The following RBM47 variants were observed in gnomAD, a reference collection of about 807,000 sequenced individuals.
RBM47 encodes the protein RNA-binding protein 47.
In RBM47, 21 loss-of-function variants were observed where a neutral mutation model predicts 47.1. The ratio of observed to expected loss-of-function variants is 0.45; its 90% confidence interval spans 0.32 to 0.64. The LOEUF (loss-of-function observed/expected upper bound fraction) is 0.64. Among genes scored for constraint, RBM47 ranks in the 30% least tolerant of loss-of-function variants. The pLI, the probability that RBM47 is intolerant of heterozygous loss-of-function variation, is 0.05. For missense variants in RBM47, 708 were observed against 870.9 expected (o/e 0.81, Z 2.35); for synonymous variants, 375 against 361.7 (o/e 1.04, Z -0.42).
At chr4:40,516,941 G>A (rs916760409) in intron 2 of RBM47, among the ~76,000 whole-genome samples, 9 of 151,976 alleles carry the variant, frequency 5.9e-5, no homozygotes, top group East Asian at 1.9e-4. Context: ...TGTCCCTTGC[G>A]TGCCCTTCTT....
intron 5 of RBM47, among the ~76,000 whole-genome samples, chr4:40,434,003 GTGTGTGTGTGTGT>G (rs1279321676): frequency 3.7e-5 from 3 of 80,112 alleles, no homozygotes; most frequent in African/African-American, 1.1e-4. Flanking sequence ...TGGGGCGGGG[GTGTGTGTGTGTGT>G]GTGTGTGTGT....
chr4:40,597,131 G>A lies in RBM47; in HGVS notation c.-240+32265C>T, dbSNP rs898759051. ...AAAAATTAGCTGGCCGTGGTGGCACGCGCCTGTAGTCCCGGCTACTTGGGA... is the reference window on the plus strand; with the variant it reads ...AAAAATTAGCTGGCCGTGGTGGCACACGCCTGTAGTCCCGGCTACTTGGGA... On this transcript the variant is annotated intron_variant, in intron 1 of 6. Coordinates refer to ENST00000295971, the MANE Select transcript of RBM47 (RefSeq NM_001098634.2). Among the ~76,000 whole-genome samples, 9 of 152,158 alleles carry A rather than the reference G, an allele frequency of 5.9e-5. 1 individual carries two copies. Among genetic ancestry groups the A allele is most frequent in the East Asian group, 1.9e-4 (1 of 5,174 alleles).
chr4:40,538,201 A>T (rs2154261127), intron 2 of RBM47, among the ~76,000 whole-genome samples: 1 of 152,304 alleles, frequency 6.6e-6, no homozygotes, highest in East Asian at 1.9e-4. Flanking sequence ...AGAGGTCCAG[A>T]CAAGAGGGTA....
intron 2 of RBM47, chr4:40,502,192 T>C (rs1723465201): frequency 6.5e-6 from 1 of 154,390 alleles, no homozygotes; most frequent in African/African-American, 2.4e-5. Context: ...CTAAAGCAGG[T>C]TGGACTGCCT....
intron 1 of RBM47, among the ~76,000 whole-genome samples, chr4:40,622,389 G>A (rs1737345139): frequency 6.6e-6 from 1 of 152,228 alleles, no homozygotes; most frequent in African/African-American, 2.4e-5. Flanking sequence ...CAAAGGCCCT[G>A]TGGTATGAAT....
intron 3 of RBM47, among the ~76,000 whole-genome samples, chr4:40,451,184 CAAAAAA>C (rs958122281): frequency 1.1e-3 from 58 of 51,474 alleles, no homozygotes; most frequent in African/African-American, 3.4e-3. Flanking sequence ...CAGTAGCTAC[CAAAAAA>C]AAAAAAAAAA....
chr4:40,470,934 G>A (rs1211592121), intron 2 of RBM47, among the ~76,000 whole-genome samples: 1 of 152,084 alleles, frequency 6.6e-6, no homozygotes, highest in Non-Finnish European at 1.5e-5. Context: ...GTAGAGGCAG[G>A]GTTTCAGCAT....
At chr4:40,433,253 G>A (rs961979099) in intron 5 of RBM47, among the ~76,000 whole-genome samples, 6 of 152,056 alleles carry the variant, frequency 3.9e-5, no homozygotes, top group East Asian at 1.9e-4. Context: ...GAGCCACCGC[G>A]CCCAGCCTAA....
At chr4:40,451,034 C>G (rs1715343904) in intron 3 of RBM47, among the ~76,000 whole-genome samples, 1 of 151,980 alleles carries the variant, frequency 6.6e-6, no homozygotes, top group South Asian at 2.1e-4. Context: ...GGCCTGGTGT[C>G]TTGATCTGGC....
At chr4:40,560,231 C>T (rs1406992482) in intron 1 of RBM47, among the ~76,000 whole-genome samples, 1 of 152,206 alleles carries the variant, frequency 6.6e-6, no homozygotes, top group African/African-American at 2.4e-5. Context: ...TCTAACTCCA[C>T]TCCATGAAAA....
At chr4:40,567,986 C>T (rs963677612) in intron 1 of RBM47, among the ~76,000 whole-genome samples, 1 of 151,810 alleles carries the variant, frequency 6.6e-6, no homozygotes, top group Non-Finnish European at 1.5e-5. Flanking sequence ...CCTAAGAATC[C>T]CAACAATATT....
At chr4:40,605,547 TCGGCCGGGCACGGTGGC>T (rs1735683619) in intron 1 of RBM47, among the ~76,000 whole-genome samples, 1 of 151,838 alleles carries the variant, frequency 6.6e-6, no homozygotes. Flanking sequence ...ATACTGGTCT[TCGGCCGGGCACGGTGGC>T]TCACGCCTGT....
At chr4:40,553,295 ATTTTAT>A (rs144014346) in intron 1 of RBM47, among the ~76,000 whole-genome samples, 1,438 of 139,454 alleles carry the variant, frequency 0.01, 31 homozygotes, top group African/African-American at 0.037. Context: ...TGTATTTTTT[ATTTTAT>A]TTTATTTTAT....
intron 1 of RBM47, among the ~76,000 whole-genome samples, chr4:40,550,279 G>C (rs1729437839): frequency 6.6e-6 from 1 of 152,160 alleles, no homozygotes; most frequent in Admixed American, 6.5e-5. Flanking sequence ...AGGGGATGTG[G>C]GGCCTTCGAG....
intron 1 of RBM47, among the ~76,000 whole-genome samples, chr4:40,558,524 C>CAAAAAAAAAAAA (rs1198741417): frequency 1.1e-5 from 1 of 92,646 alleles, no homozygotes; most frequent in Non-Finnish European, 2.4e-5. Context: ...ATTAAAACTA[C>CAAAAAAAAAAAA]AAAAAAAAAA....
intron 2 of RBM47, among the ~76,000 whole-genome samples, chr4:40,506,343 G>A (rs561467462): frequency 1.3e-5 from 2 of 152,280 alleles, no homozygotes; most frequent in South Asian, 2.1e-4. Flanking sequence ...GTCCGGTTCC[G>A]TTCATGTATG....
Position 40,438,236 on chromosome 4 carries a change from G to C in RBM47, c.658C>G (p.Gln220Glu), listed in dbSNP as rs1713016197. 1 of 1,605,176 alleles carries C rather than the reference G, an allele frequency of 6.2e-7. No individual in the cohort carries two copies. Among genetic ancestry groups the C allele is most frequent in the East Asian group, 2.2e-5 (1 of 44,874 alleles). Residue 220 changes from glutamine to glutamate, a missense_variant, in exon 4 of 7, where the codon CAG becomes GAG. Gln to Glu is a conservative substitution (Grantham distance 29). Transcript: ENST00000295971. The stretch of plus-strand genomic sequence containing the variant: ...ACGGCGATCTGGTGGCCCCACAGCT[G>C]GATGCGGCCAGGCATGAGCTTGCGG... ...ARRKLMPGRIQLWGHQIAVDW... is the reference protein window; with the variant it reads ...ARRKLMPGRIELWGHQIAVDW...
Position 40,556,281 on chromosome 4 carries a change from C to A in RBM47, c.-239-11775G>T, listed in dbSNP as rs571866644. ...CATCTCCTGACCTCAGGTGATCTGCCCGCCTCAGCCTCCCAAAGTGCTGGG... is the reference window on the plus strand; with the variant it reads ...CATCTCCTGACCTCAGGTGATCTGCACGCCTCAGCCTCCCAAAGTGCTGGG... On this transcript the variant is annotated intron_variant, in intron 1 of 6. Coordinates refer to ENST00000295971, the MANE Select transcript of RBM47 (RefSeq NM_001098634.2). 4.1e-4 allele frequency among the ~76,000 whole-genome samples: 63 copies of A among 152,008 alleles called. 1 individual carries two copies. The highest frequency in any genetic ancestry group is 1.5e-3 in the African/African-American group (61 of 41,520).
At chr4:40,429,657 C>T in intron 6 of RBM47, among the ~76,000 whole-genome samples, 1 of 132,088 alleles carries the variant, frequency 7.6e-6, no homozygotes, top group African/African-American at 3.0e-5. Context: ...CCACTGCACT[C>T]CAGCTTGGGT....
Sources: gnomAD v4.1 joint callset for allele counts (sites outside exome capture counted in the v4.1 genomes callset) on GRCh38, gnomAD v4.1.1 for gene constraint, MANE v1.5 for transcripts, NCBI Gene and HGNC (gene_info 2026-07-23, HGNC 2026-07-21) for gene names.